The following TYW1 variants were observed in gnomAD, a reference collection of about 807,000 sequenced individuals.
TYW1 encodes S-adenosyl-L-methionine-dependent tRNA 4-demethylwyosine synthase TYW1.
In TYW1, 46 loss-of-function variants were observed where a neutral mutation model predicts 96.2. That is an observed-to-expected ratio of 0.48 (90% CI 0.38 to 0.61). The LOEUF is 0.61. TYW1 is among the 20% of genes least tolerant of loss of function. The pLI, the probability that TYW1 is intolerant of heterozygous loss-of-function variation, is 0.00. For synonymous variants in TYW1, 274 were observed against 323.0 expected (o/e 0.85, Z 1.63); for missense variants, 684 against 909.6 (o/e 0.75, Z 3.19).
chr7:67,057,794 A>T (rs1795570864), intron 9 of TYW1, among the ~76,000 whole-genome samples: 1 of 152,152 alleles, frequency 6.6e-6, no homozygotes, highest in Non-Finnish European at 1.5e-5. Flanking sequence ...TATGTTGTGG[A>T]TGTGAATCTT....
intron 15 of TYW1, among the ~76,000 whole-genome samples, chr7:67,209,766 T>TGGC (rs1800937754): frequency 6.6e-6 from 1 of 152,092 alleles, no homozygotes; most frequent in Non-Finnish European, 1.5e-5. Context: ...GAGACAGGGT[T>TGGC]TCACCATGTT....
chr7:67,186,101 A>G (rs1800007783), intron 14 of TYW1, among the ~76,000 whole-genome samples: 2 of 144,308 alleles, frequency 1.4e-5, no homozygotes, highest in Admixed American at 7.1e-5. Context: ...AGCTGAAAAT[A>G]TATGTATCAG....
At chr7:67,172,038 G>A (rs1365538552) in intron 13 of TYW1, among the ~76,000 whole-genome samples, 1 of 151,964 alleles carries the variant, frequency 6.6e-6, no homozygotes, top group African/African-American at 2.4e-5. Flanking sequence ...ATCTTTTTGA[G>A]TGTTTATAGT....
chr7:67,154,259 G>T lies in TYW1; in HGVS notation c.1699-28867G>T, dbSNP rs1584628335. ...TTCTGATGGTTACTTCCATTTGTCT[G>T]TGATTATAAACAGTTGAGCATACTT... On this transcript the variant is annotated intron_variant, in intron 13 of 15. Transcript: ENST00000359626. 1.3e-5 allele frequency among the ~76,000 whole-genome samples: 2 copies of T among 152,216 alleles called. 1 individual carries two copies.
intron 15 of TYW1, among the ~76,000 whole-genome samples, chr7:67,195,780 T>C (rs1800373736): frequency 6.9e-6 from 1 of 144,408 alleles, no homozygotes; most frequent in Non-Finnish European, 1.5e-5. Flanking sequence ...GATTTTAGTT[T>C]ATAACACTAT....
At chr7:67,084,353 C>A (rs185947751) in intron 11 of TYW1, among the ~76,000 whole-genome samples, 2,437 of 152,138 alleles carry the variant, frequency 0.016, 33 homozygotes, top group Admixed American at 0.044. Context: ...TTTGAATTTC[C>A]TGATTTAATT....
In TYW1 at chr7:67,018,042, G is replaced by T; in HGVS notation, c.760G>T (p.Gly254Cys). 6.2e-7 allele frequency: 1 copy of T among 1,614,010 alleles called. No homozygotes were observed. Among genetic ancestry groups the T allele is most frequent in the Non-Finnish European group, 8.5e-7 (1 of 1,180,006 alleles). ...AGGGGAGAGAAAGAAGTCCTGTGGCGGCCACTGCAAGAAAGGCAAATGTGA... is the reference window on the plus strand; with the variant it reads ...AGGGGAGAGAAAGAAGTCCTGTGGCTGCCACTGCAAGAAAGGCAAATGTGA... ...QKGERKKSCGGHCKKGKCESH... is the reference protein window; with the variant it reads ...QKGERKKSCGCHCKKGKCESH... The change falls in exon 6 of 16, where the codon GGC (glycine) becomes TGC (cysteine). Residue 254 changes from glycine (G) to cysteine (C), a missense_variant. Coordinates refer to ENST00000359626, the MANE Select transcript of TYW1 (RefSeq NM_018264.4).
rs189297356 is a variant in TYW1, at chr7:67,173,629, G to C, written c.1699-9497G>C. On this transcript the variant is annotated intron_variant, in intron 13 of 15. Transcript: ENST00000359626. ...AAATCTGTTTTCTTTGTATTCCCCT[G>C]TCTTGTCTTAACAACATTGATTAGG... is the stretch of plus-strand genomic sequence containing the variant. 2.2e-3 allele frequency among the ~76,000 whole-genome samples: 300 copies of C among 137,526 alleles called. 3 individuals are homozygous for C. The highest frequency in any genetic ancestry group is 3.5e-3 in the Non-Finnish European group (220 of 63,578). 90.2% of individuals were successfully genotyped at this position (137,526 alleles called of 152,430 possible).
At chr7:67,223,366 G>A (rs12154252) in intron 15 of TYW1, among the ~76,000 whole-genome samples, 40,216 of 151,920 alleles carry the variant, frequency 0.26, 5,764 homozygotes, top group African/African-American at 0.36. Context: ...GATTATTGAA[G>A]GCTGTCTCTG....
intron 6 of TYW1, among the ~76,000 whole-genome samples, chr7:67,020,413 T>C (rs1454113330): frequency 6.6e-6 from 1 of 152,234 alleles, no homozygotes; most frequent in Non-Finnish European, 1.5e-5. Context: ...TAATTTTTTA[T>C]GTTTTTAGTA....
intron 15 of TYW1, among the ~76,000 whole-genome samples, chr7:67,205,729 A>G (rs1800772425): frequency 6.6e-6 from 1 of 152,094 alleles, no homozygotes; most frequent in South Asian, 2.1e-4. Flanking sequence ...TATTGTCTAA[A>G]AATTTTCTGT....
chr7:67,183,906 C>T (rs1799920041), intron 14 of TYW1, among the ~76,000 whole-genome samples: 1 of 152,050 alleles, frequency 6.6e-6, no homozygotes, highest in Non-Finnish European at 1.5e-5. Flanking sequence ...TAGCTTACTG[C>T]AGCCTCCAAC....
intron 13 of TYW1, among the ~76,000 whole-genome samples, chr7:67,127,871 C>T (rs1231656528): frequency 2.0e-5 from 3 of 152,030 alleles, no homozygotes; most frequent in Admixed American, 1.3e-4. Context: ...AATATTTCAC[C>T]CTGCCGTCTC....
intron 7 of TYW1, among the ~76,000 whole-genome samples, chr7:67,030,421 C>T (rs1295215381): frequency 1.3e-5 from 2 of 149,572 alleles, no homozygotes; most frequent in African/African-American, 2.5e-5. Flanking sequence ...CCTGAGGTCA[C>T]GAGTTCGAGA....
chr7:67,228,334 C>T (rs1801631486), intron 15 of TYW1, among the ~76,000 whole-genome samples: 1 of 152,236 alleles, frequency 6.6e-6, no homozygotes, highest in East Asian at 1.9e-4. Context: ...TGCAGGGAAA[C>T]CCCCCTTCGT....
intron 7 of TYW1, among the ~76,000 whole-genome samples, chr7:67,046,633 G>A (rs1008820427): frequency 6.6e-6 from 1 of 152,224 alleles, no homozygotes; most frequent in Non-Finnish European, 1.5e-5. Context: ...AGTAAACAAT[G>A]TCTGCACCTA....
intron 7 of TYW1, among the ~76,000 whole-genome samples, chr7:67,041,386 C>A (rs2129256157): frequency 6.6e-6 from 1 of 152,120 alleles, no homozygotes; most frequent in South Asian, 2.1e-4. Context: ...TCATGGCAGC[C>A]CCCGCCTCCC....
chr7:67,160,072 G>T (rs559928596), intron 13 of TYW1, among the ~76,000 whole-genome samples: 1 of 152,278 alleles, frequency 6.6e-6, no homozygotes, highest in East Asian at 1.9e-4. Flanking sequence ...AAAGTGCTGG[G>T]ATTACAGACA....
At chr7:67,191,389 C>T (rs1453215650) in intron 14 of TYW1, among the ~76,000 whole-genome samples, 1 of 152,126 alleles carries the variant, frequency 6.6e-6, no homozygotes, top group East Asian at 1.9e-4. Context: ...TCCTGTTCTT[C>T]ACAAACATTC....
Sources: allele counts gnomAD v4.1 joint callset (sites outside exome capture counted in the v4.1 genomes callset), GRCh38; gene constraint gnomAD v4.1.1; transcripts MANE v1.5; gene names NCBI Gene and HGNC (gene_info 2026-07-23, HGNC 2026-07-21).